The following THBS4 variants were observed in gnomAD, a reference collection of about 807,000 sequenced individuals.
The protein encoded by THBS4 is thrombospondin 4, also known as thrombospondin-4.
Under a neutral mutation model 115.7 loss-of-function variants are expected in THBS4, and 90 were observed. The observed-to-expected ratio is 0.78, with a 90% CI of 0.66 to 0.93. The LOEUF (loss-of-function observed/expected upper bound fraction) is 0.93, where lower values mean the gene tolerates loss of function less well. THBS4 is among the 40% of genes least tolerant of loss of function. THBS4 has a pLI of 0.00. For missense variants in THBS4, 1,087 were observed against 1,232.7 expected (o/e 0.88, Z 1.77); for synonymous variants, 460 against 479.3 (o/e 0.96, Z 0.53).
chr5:80,046,665 A>T (rs1833076344), intron 2 of THBS4, among the ~76,000 whole-genome samples: 1 of 152,210 alleles, frequency 6.6e-6, no homozygotes, highest in African/African-American at 2.4e-5. Context: ...AGCATAATGT[A>T]TCTGACTTCA....
At position 79,995,825 on chromosome 5, in the gene THBS4, T is replaced by C. The variant is rs1392519851; in HGVS notation, n.82-2507T>C. On this transcript the variant is annotated intron_variant and non_coding_transcript_variant, in intron 1 of 3. Transcript: ENST00000510218. The stretch of plus-strand genomic sequence containing the variant: ...ATAAAAGTGCCTGAGAGAAAGAGAT[T>C]GGGGCTTTAAAAAGACAGCTGGGCA... Among the ~76,000 whole-genome samples the C allele has an allele frequency of 1.3e-5, 2 of 151,956 alleles. 1 individual carries two copies.
chr5:80,048,608 G>T lies in THBS4; in HGVS notation c.293-7177G>T, dbSNP rs1389647997. Among the ~76,000 whole-genome samples the T allele has an allele frequency of 2.0e-5, 3 of 148,444 alleles. No individual in the cohort carries two copies. The East Asian group carries it at 5.9e-4, about 29-fold the overall frequency. ...TCCTCTGCAGATGTTTAGCATAATT[G>T]CTGTGTTTCCTTTCACTAGATAGAT... On this transcript the variant is annotated intron_variant, in intron 2 of 21. Transcript: ENST00000350881.
At chr5:80,064,410 C>T (rs1833740086) in intron 8 of THBS4, among the ~76,000 whole-genome samples, 1 of 152,158 alleles carries the variant, frequency 6.6e-6, no homozygotes, top group Admixed American at 6.5e-5. Context: ...TGAAGATATG[C>T]TTATAAACAA....
At position 80,040,243 on chromosome 5, in the gene THBS4, A is replaced by G; in HGVS notation, c.255A>G (p.Lys85=). The part of the protein sequence containing the change: ...FGLYSSTDNS[K]YFEFTVMGRL... ...TTTACTCTTCAACTGACAACAGTAA[A>G]TATTTTGAATTTACTGTGATGGGAC... Residue 85 remains lysine (K), a synonymous_variant, in exon 2 of 22, where the codon AAA becomes AAG. Coordinates refer to ENST00000350881, the MANE Select transcript of THBS4 (RefSeq NM_003248.6). 1 of 1,614,068 alleles carries G rather than the reference A, an allele frequency of 6.2e-7. No homozygotes were observed. The highest frequency in any genetic ancestry group is 2.2e-5 in the East Asian group (1 of 44,876).
In THBS4 at chr5:80,035,409, A is replaced by G. The variant is rs1832680434; in HGVS notation, c.-129A>G. The G allele has an allele frequency of 8.7e-6, 4 of 457,544 alleles. No individual in the cohort carries two copies. Among genetic ancestry groups the G allele is most frequent in the South Asian group, 2.0e-4 (2 of 9,780 alleles). The allele number at this position is 457,544 out of a possible 1,614,324, so 28.3% of individuals were successfully genotyped here. A position where few individuals can be genotyped will look rare whatever the true frequency, so the allele number is the denominator to read the frequency against. ...GAGCGCGCCCCCGACGGCAGCCCGG[A>G]CGCCGAGCACGGGTCACCTGCGGCG... On this transcript the variant is annotated 5_prime_UTR_variant, in exon 1 of 22. Coordinates refer to ENST00000350881, the MANE Select transcript of THBS4 (RefSeq NM_003248.6). This position sits in a 1 kb window ranked among gnomAD's most constrained non-coding sequence, Gnocchi z 4.6.
At chr5:80,036,196 G>A (rs568996643) in intron 1 of THBS4, 2 of 985,448 alleles carry the variant, frequency 2.0e-6, no homozygotes, top group South Asian at 9.4e-5. Flanking sequence ...GAAGGGCTGA[G>A]AAACTGGTCT....
chr5:80,056,380 ATAAC>A (rs1833434055), intron 3 of THBS4, among the ~76,000 whole-genome samples: 2 of 152,272 alleles, frequency 1.3e-5, no homozygotes, highest in Non-Finnish European at 2.9e-5. Flanking sequence ...AAAAGTAAAA[ATAAC>A]TACCTCAGGG....
chr5:80,048,632 A>AT (rs1833151762), intron 2 of THBS4, among the ~76,000 whole-genome samples: 1 of 147,274 alleles, frequency 6.8e-6, no homozygotes, highest in South Asian at 2.2e-4. Context: ...CACTAGATAG[A>AT]TGTGTGTGTG....
rs577363055 is a variant in THBS4 at position 79,994,177 on chromosome 5, T to C, written n.81+2765T>C. Among the ~76,000 whole-genome samples, 24 of 152,380 alleles carry C rather than the reference T, an allele frequency of 1.6e-4. No individual in the cohort carries two copies. The South Asian group carries it at 4.8e-3, about 30-fold the overall frequency. ...GTTTCAAGTATCTAACATAACTTGCTTTATCTCCATAATGATTTCATGACA... is the reference window on the plus strand; with the variant it reads ...GTTTCAAGTATCTAACATAACTTGCCTTATCTCCATAATGATTTCATGACA... On this transcript the variant is annotated intron_variant and non_coding_transcript_variant, in intron 1 of 3. Coordinates refer to the THBS4 transcript ENST00000510218.
intron 2 of THBS4, among the ~76,000 whole-genome samples, chr5:80,004,413 C>G (rs1056616572): frequency 6.6e-6 from 1 of 152,202 alleles, no homozygotes; most frequent in African/African-American, 2.4e-5. Flanking sequence ...TGTGTTCATT[C>G]TGGAGATGCA....
At chr5:80,074,299 C>T (rs1185277658) in intron 15 of THBS4, 1 of 152,084 alleles carries the variant, frequency 6.6e-6, no homozygotes, top group African/African-American at 2.4e-5. Context: ...TTTGTGAACC[C>T]TCCTAGCTCA....
At chr5:80,080,579 C>CTTTTTTTTTTTTTT (rs67048630) in intron 20 of THBS4, among the ~76,000 whole-genome samples, 1,305 of 50,476 alleles carry the variant, frequency 0.026, 228 homozygotes, top group Non-Finnish European at 0.033. Context: ...GCGCTTGTAT[C>CTTTTTTTTTTTTTT]TTTTTTTTTT....
At position 80,058,767 on chromosome 5, in the gene THBS4, G is replaced by A; in HGVS notation, c.709G>A (p.Val237Met). Reference sequence around the variant, plus strand: ...ACAATTAAACCAACTCCTGGGAGAGGTGAAGGACCTTCTGAGACAGCAGGT... The same window carrying A: ...ACAATTAAACCAACTCCTGGGAGAGATGAAGGACCTTCTGAGACAGCAGGT... ...MTQLNQLLGEVKDLLRQQVKE... is the reference protein window; with the variant it reads ...MTQLNQLLGEMKDLLRQQVKE... The change falls in exon 5 of 22, where the codon GTG (valine) becomes ATG (methionine). Residue 237 changes from valine to methionine, a missense_variant. Transcript: ENST00000350881. 6.2e-7 allele frequency: 1 copy of A among 1,614,022 alleles called. No homozygotes were observed. The highest frequency in any genetic ancestry group is 8.5e-7 in the Non-Finnish European group (1 of 1,179,982).
chr5:80,050,119 A>G (rs1426205583), intron 2 of THBS4, among the ~76,000 whole-genome samples: 1 of 152,248 alleles, frequency 6.6e-6, no homozygotes, highest in African/African-American at 2.4e-5. Flanking sequence ...TGTGAACTCA[A>G]TGTGCTGCAG....
At chr5:79,996,457 A>G (rs1026933579) in intron 1 of THBS4, among the ~76,000 whole-genome samples, 2 of 152,204 alleles carry the variant, frequency 1.3e-5, no homozygotes, top group Non-Finnish European at 2.9e-5. Context: ...TGAGGATGAT[A>G]GAAGAGGGAT....
At chr5:80,069,680 A>G (rs1833961968) in intron 10 of THBS4, among the ~76,000 whole-genome samples, 1 of 152,234 alleles carries the variant, frequency 6.6e-6, no homozygotes, top group Non-Finnish European at 1.5e-5. Flanking sequence ...CATTAAAGTG[A>G]GTCAAGGATC....
chr5:80,052,904 G>C (rs1268790537), intron 2 of THBS4: 1 of 152,210 alleles, frequency 6.6e-6, no homozygotes, highest in Non-Finnish European at 1.5e-5. Context: ...AAAGGTACCT[G>C]AGGAGAAAGA....
chr5:80,037,459 T>A (rs1019564029), intron 1 of THBS4, among the ~76,000 whole-genome samples: 1 of 152,206 alleles, frequency 6.6e-6, no homozygotes, highest in Non-Finnish European at 1.5e-5. Flanking sequence ...TAGCAGTAAT[T>A]TCACCTCTAA....
At chr5:80,008,397 G>T (rs1832057322) in intron 2 of THBS4, among the ~76,000 whole-genome samples, 1 of 151,902 alleles carries the variant, frequency 6.6e-6, no homozygotes, top group East Asian at 1.9e-4. Flanking sequence ...GCTTAACCGG[G>T]CTTCCCACAT....
Sources: allele counts gnomAD v4.1 joint callset (sites outside exome capture counted in the v4.1 genomes callset), GRCh38; gene constraint gnomAD v4.1.1; non-coding constraint Gnocchi (gnomAD v3.1); transcripts MANE v1.5; gene names NCBI Gene and HGNC (gene_info 2026-07-23, HGNC 2026-07-21).